Variants in OPHN1 observed in about 807,000 individuals in gnomAD.
The protein encoded by OPHN1 is oligophrenin-1.
A neutral mutation model predicts 60.7 loss-of-function variants in OPHN1; 11 were observed. The observed-to-expected ratio is 0.18, with a 90% CI of 0.11 to 0.30. OPHN1 has a LOEUF of 0.30. OPHN1 is among the 10% of genes least tolerant of loss of function. The probability of loss-of-function intolerance (pLI) is 1.00; values close to 1 mark genes in which losing one functional copy is unlikely to be tolerated. For missense variants in OPHN1, 449 were observed against 611.0 expected (o/e 0.73, Z 2.80); for synonymous variants, 226 against 222.6 (o/e 1.02, Z -0.14).
At chrX:68,140,475 G>A (rs924067092) in intron 15 of OPHN1, among the ~76,000 whole-genome samples, 2 of 111,542 alleles carry the variant, frequency 1.8e-5, no homozygotes, top group African/African-American at 6.5e-5. Flanking sequence ...AGACTCATGA[G>A]AGGCCAGCAT....
At chrX:68,201,739 T>C (rs766572514) in intron 10 of OPHN1, 29 bp from the exon 11 acceptor site, 1 of 1,139,094 alleles carries the variant, frequency 8.8e-7, no homozygotes, top group Non-Finnish European at 1.2e-6. Flanking sequence ...TAACAGGCAA[T>C]TTTTAAAAAA....
rs760485744 is a variant in OPHN1, at chrX:68,073,216, C to T, written c.1770G>A (p.Thr590=). Residue 590 remains threonine (T), a synonymous_variant, in exon 20 of 25, where the codon ACG becomes ACA. Coordinates refer to ENST00000355520, the MANE Select transcript of OPHN1 (RefSeq NM_002547.3). The part of the protein sequence containing the change: ...RVTARRHKPI[T]ISKRLLRERT... ...TTTCTCGCAGCAAGCGCTTTGAAATCGTGATTGGTTTGTGCCTTCTTGCTG... is the reference window on the plus strand; with the variant it reads ...TTTCTCGCAGCAAGCGCTTTGAAATTGTGATTGGTTTGTGCCTTCTTGCTG... 4 of 1,211,791 alleles carry T rather than the reference C, an allele frequency of 3.3e-6. No homozygotes were observed. Among genetic ancestry groups the T allele is most frequent in the South Asian group, 1.8e-5 (1 of 56,955 alleles).
chrX:68,368,696 C>T (rs770485802), intron 2 of OPHN1, among the ~76,000 whole-genome samples: 10 of 111,548 alleles, frequency 9.0e-5, no homozygotes, highest in Non-Finnish European at 1.7e-4. Context: ...TGAAGGAGTA[C>T]CCACACACAC....
intron 5 of OPHN1, among the ~76,000 whole-genome samples, chrX:68,237,096 C>T (rs918348618): frequency 8.9e-6 from 1 of 111,810 alleles, no homozygotes; most frequent in Non-Finnish European, 1.9e-5. Flanking sequence ...AGAGATTCTC[C>T]TGCCTCACCC....
chrX:68,094,250 C>A (rs980880378), intron 19 of OPHN1, among the ~76,000 whole-genome samples: 10 of 111,260 alleles, frequency 9.0e-5, no homozygotes, highest in East Asian at 8.5e-4. Flanking sequence ...CTATTCTGTT[C>A]TATTTGTTTA....
intron 16 of OPHN1, 99 bp downstream of exon 16, chrX:68,119,149 A>G (rs112692409): frequency 1.7e-6 from 1 of 600,860 alleles, no homozygotes; most frequent in Non-Finnish European, 2.9e-6. Flanking sequence ...AAGCAATTCT[A>G]TCCAAACTCC....
At chrX:68,417,631 G>A (rs2078805914) in intron 2 of OPHN1, among the ~76,000 whole-genome samples, 1 of 112,553 alleles carries the variant, frequency 8.9e-6, no homozygotes, top group Non-Finnish European at 1.9e-5. Flanking sequence ...CTTCTCTGGT[G>A]TGCCAATAGG....
chrX:68,389,124 T>C (rs2078639923), intron 2 of OPHN1, among the ~76,000 whole-genome samples: 1 of 105,769 alleles, frequency 9.5e-6, no homozygotes, highest in Admixed American at 1.0e-4. Context: ...CTGGCTAATT[T>C]TTTTTTTTTT....
At chrX:68,378,446 TTG>T (rs1167005417) in intron 2 of OPHN1, among the ~76,000 whole-genome samples, 2 of 111,783 alleles carry the variant, frequency 1.8e-5, no homozygotes, top group African/African-American at 6.5e-5. Context: ...TTAGATCCCA[TTG>T]GTCAAATTTT....
chrX:68,380,318 CTT>C (rs943582590), intron 2 of OPHN1, among the ~76,000 whole-genome samples: 50 of 111,234 alleles, frequency 4.5e-4, no homozygotes, highest in African/African-American at 1.6e-3. Flanking sequence ...ATTCTTCTCT[CTT>C]TTCTTCTTTA....
intron 2 of OPHN1, among the ~76,000 whole-genome samples, chrX:68,371,477 C>A (rs1177190387): frequency 6.3e-5 from 7 of 111,071 alleles, no homozygotes; most frequent in Non-Finnish European, 1.3e-4. Flanking sequence ...CCTCAGCCTC[C>A]CAAAATGCCA....
rs1042839483 is a variant in OPHN1, at chrX:68,374,048, A to T, written c.154+58819T>A. Among the ~76,000 whole-genome samples, 3 of 111,793 alleles carry T rather than the reference A, an allele frequency of 2.7e-5. No individual in the cohort carries two copies. In the East Asian group the frequency reaches 8.4e-4, roughly 31 times the overall value. On this transcript the variant is annotated intron_variant, in intron 2 of 24. Transcript: ENST00000355520. ...AATCTCCATGATCTAGGGTTAGGTG[A>T]AATATTCTCAGGCATCCATAAGCAC...
chrX:68,348,341 AG>A (rs2078389081), intron 2 of OPHN1, among the ~76,000 whole-genome samples: 1 of 111,282 alleles, frequency 9.0e-6, no homozygotes. Context: ...GGAGGGAACT[AG>A]CAAGTGTGCA....
chrX:68,319,604 C>T (rs1368979253), intron 2 of OPHN1, among the ~76,000 whole-genome samples: 4 of 109,974 alleles, frequency 3.6e-5, no homozygotes, highest in Non-Finnish European at 7.6e-5. Context: ...AGTGTGGTGG[C>T]GCTCACCTGT....
At chrX:68,430,677 A>T (rs2078881595) in intron 2 of OPHN1, among the ~76,000 whole-genome samples, 1 of 110,624 alleles carries the variant, frequency 9.0e-6, no homozygotes, top group Non-Finnish European at 1.9e-5. Context: ...TACAAAAATT[A>T]GCCAGGCGCA....
chrX:68,239,051 A>G (rs190166066), intron 5 of OPHN1, among the ~76,000 whole-genome samples: 1 of 111,223 alleles, frequency 9.0e-6, no homozygotes, highest in Non-Finnish European at 1.9e-5. Flanking sequence ...TGAATGATGG[A>G]AATAGCTCTC....
intron 2 of OPHN1, among the ~76,000 whole-genome samples, chrX:68,405,523 C>T (rs1335224911): frequency 9.0e-6 from 1 of 111,104 alleles, no homozygotes; most frequent in Non-Finnish European, 1.9e-5. Context: ...TTCTTTCTTC[C>T]CTAGCTTGGC....
At chrX:68,331,869 A>G (rs2078296824) in intron 2 of OPHN1, among the ~76,000 whole-genome samples, 1 of 109,980 alleles carries the variant, frequency 9.1e-6, no homozygotes, top group Non-Finnish European at 1.9e-5. Flanking sequence ...CTCTGTCTCT[A>G]CTAAAACTAC....
intron 2 of OPHN1, among the ~76,000 whole-genome samples, chrX:68,367,372 A>C (rs1197803508): frequency 9.4e-6 from 1 of 106,807 alleles, no homozygotes; most frequent in Non-Finnish European, 1.9e-5. Context: ...AAAAAAAAAA[A>C]CACAAGCAGA....
Sources: allele counts gnomAD v4.1 joint callset (sites outside exome capture counted in the v4.1 genomes callset), GRCh38; gene constraint gnomAD v4.1.1; transcripts MANE v1.5; gene names NCBI Gene and HGNC (gene_info 2026-07-23, HGNC 2026-07-21).